The following DCDC2C variants were observed in gnomAD, a reference collection of about 807,000 sequenced individuals.
The protein encoded by DCDC2C is doublecortin domain containing 2C.
DCDC2C carries 44 observed loss-of-function variants against 45.0 expected under a neutral mutation model. That is an observed-to-expected ratio of 0.98 (90% confidence interval 0.77 to 1.26). The LOEUF (loss-of-function observed/expected upper bound fraction) is 1.26. Among genes scored for constraint, DCDC2C ranks in the 50% most tolerant of loss-of-function variants. DCDC2C has a pLI of 0.00. For synonymous variants in DCDC2C, 187 were observed against 178.8 expected, an observed-to-expected ratio of 1.05 and a Z score of -0.37; for missense variants, 447 against 468.9, an observed-to-expected ratio of 0.95 and a Z score of 0.43.
intron 4 of DCDC2C, among the ~76,000 whole-genome samples, chr2:3,751,501 A>C (rs1170942316): frequency 6.6e-6 from 1 of 152,116 alleles, no homozygotes; most frequent in Non-Finnish European, 1.5e-5. Context: ...TCGGGATGGG[A>C]CCCAGGAGAA....
intron 10 of DCDC2C, among the ~76,000 whole-genome samples, chr2:3,804,377 C>T (rs1671183816): frequency 6.6e-6 from 1 of 152,150 alleles, no homozygotes; most frequent in Non-Finnish European, 1.5e-5. Context: ...TGCCTCATGC[C>T]TTGCCCATTA....
intron 6 of DCDC2C, among the ~76,000 whole-genome samples, chr2:3,755,210 TG>T (rs1218983004): frequency 2.6e-5 from 4 of 152,086 alleles, no homozygotes; most frequent in African/African-American, 9.7e-5. Flanking sequence ...TGTGCATGGG[TG>T]CATATGATGT....
chr2:3,730,031 A>T (rs1303152450), intron 3 of DCDC2C, among the ~76,000 whole-genome samples: 1 of 152,170 alleles, frequency 6.6e-6, no homozygotes, highest in African/African-American at 2.4e-5. Flanking sequence ...ACTTGAGGAG[A>T]AGGGTCCAGC....
intron 10 of DCDC2C, among the ~76,000 whole-genome samples, chr2:3,845,312 C>T (rs1672301898): frequency 6.6e-6 from 1 of 152,158 alleles, no homozygotes; most frequent in Admixed American, 6.5e-5. Flanking sequence ...TTTCTGTTAC[C>T]AAGCGAGAGA....
intron 8 of DCDC2C, among the ~76,000 whole-genome samples, chr2:3,778,216 G>A (rs1175400385): frequency 6.6e-6 from 1 of 152,266 alleles, no homozygotes; most frequent in East Asian, 1.9e-4. Flanking sequence ...TGCATGTGCA[G>A]CACGCATACT....
At chr2:3,766,310 G>GCACACACA (rs61471003) in intron 6 of DCDC2C, among the ~76,000 whole-genome samples, 84 of 146,152 alleles carry the variant, frequency 5.7e-4, no homozygotes, top group African/African-American at 2.0e-3. Flanking sequence ...ACACACACAC[G>GCACACACA]CACACACACA....
chr2:3,808,176 C>T (rs1333391423), intron 10 of DCDC2C, among the ~76,000 whole-genome samples: 1 of 152,198 alleles, frequency 6.6e-6, no homozygotes, highest in East Asian at 1.9e-4. Flanking sequence ...AGGTGATCTG[C>T]AGCCTCACCA....
chr2:3,703,598 C>G lies in DCDC2C; in HGVS notation c.-154C>G. On this transcript the variant is annotated 5_prime_UTR_variant, in exon 1 of 11. Coordinates refer to ENST00000399143, the MANE Select transcript of DCDC2C (RefSeq NM_001287444.2). This position sits in a 1 kb window ranked among gnomAD's most constrained non-coding sequence, Gnocchi z 4.4. ...GCAGCCCCGTCCCGTCCCCGTCCAG[C>G]CCCCGTCCCGTCCCCGTCCCGTCCC... is the stretch of plus-strand genomic sequence containing the variant. The G allele has an allele frequency of 1.4e-6, 1 of 730,302 alleles. No homozygotes were observed. The highest frequency in any genetic ancestry group is 1.8e-6 in the Non-Finnish European group (1 of 540,968). 45.2% of individuals were successfully genotyped at this position (730,302 alleles called of 1,614,324 possible).
At chr2:3,805,416 C>T (rs1175866667) in intron 10 of DCDC2C, among the ~76,000 whole-genome samples, 1 of 152,168 alleles carries the variant, frequency 6.6e-6, no homozygotes, top group Non-Finnish European at 1.5e-5. Context: ...CATTGCCATA[C>T]TGAGTCGTGT....
chr2:3,757,511 C>A (rs1226134613), intron 6 of DCDC2C, among the ~76,000 whole-genome samples: 1 of 152,190 alleles, frequency 6.6e-6, no homozygotes, highest in Non-Finnish European at 1.5e-5. Context: ...CTTGACCCTT[C>A]AATGAACATA....
At chr2:3,839,395 C>G (rs1672155107) in intron 10 of DCDC2C, among the ~76,000 whole-genome samples, 1 of 152,112 alleles carries the variant, frequency 6.6e-6, no homozygotes, top group African/African-American at 2.4e-5. Context: ...CTGGCAGCTA[C>G]AAAAATAAAT....
chr2:3,835,526 C>T (rs1222589724), intron 10 of DCDC2C, among the ~76,000 whole-genome samples: 1 of 152,190 alleles, frequency 6.6e-6, no homozygotes, highest in Non-Finnish European at 1.5e-5. Flanking sequence ...CCGTGGAAAT[C>T]TCTAGTTCCC....
chr2:3,767,999 T>C, intron 7 of DCDC2C, 119 bp downstream of exon 7: 1 of 1,125,942 alleles, frequency 8.9e-7, no homozygotes, highest in Non-Finnish European at 1.2e-6. Context: ...CTTGTAACTA[T>C]CTGCTTTATT....
At chr2:3,774,033 A>G (rs1558220695) in intron 8 of DCDC2C, among the ~76,000 whole-genome samples, 1 of 152,258 alleles carries the variant, frequency 6.6e-6, no homozygotes, top group Non-Finnish European at 1.5e-5. Flanking sequence ...GGTGTAATGC[A>G]TTTCCCTCCA....
chr2:3,840,253 C>T (rs1164591117), intron 10 of DCDC2C, among the ~76,000 whole-genome samples: 1 of 152,154 alleles, frequency 6.6e-6, no homozygotes, highest in Non-Finnish European at 1.5e-5. Context: ...GGTTGTTTTG[C>T]AGAGAACACC....
At chr2:3,748,106 G>A (rs371154270) in intron 4 of DCDC2C, among the ~76,000 whole-genome samples, 54 of 152,290 alleles carry the variant, frequency 3.5e-4, no homozygotes, top group African/African-American at 1.1e-3. Context: ...TGCTGAGCCC[G>A]GGAGTGAAGG....
intron 10 of DCDC2C, among the ~76,000 whole-genome samples, chr2:3,785,364 G>A (rs993452657): frequency 6.6e-6 from 1 of 152,172 alleles, no homozygotes; most frequent in African/African-American, 2.4e-5. Flanking sequence ...CTAGGGCAGC[G>A]TGTGGCTGGC....
intron 2 of DCDC2C, among the ~76,000 whole-genome samples, chr2:3,722,713 G>GA (rs569214360): frequency 6.6e-6 from 1 of 152,118 alleles, no homozygotes; most frequent in African/African-American, 2.4e-5. Flanking sequence ...GAAGTACAGA[G>GA]AAAAAAATCC....
At chr2:3,821,078 C>T (rs1454119964) in intron 10 of DCDC2C, among the ~76,000 whole-genome samples, 5 of 151,648 alleles carry the variant, frequency 3.3e-5, no homozygotes, top group South Asian at 2.1e-4. Context: ...GGGATGGGGC[C>T]GTTTTATAGG....
Sources: allele counts gnomAD v4.1 joint callset (sites outside exome capture counted in the v4.1 genomes callset), GRCh38; gene constraint gnomAD v4.1.1; non-coding constraint Gnocchi (gnomAD v3.1); transcripts MANE v1.5; gene names NCBI Gene and HGNC (gene_info 2026-07-23, HGNC 2026-07-21).